Variants in RNF144B observed in about 807,000 individuals in gnomAD.
The protein encoded by RNF144B is E3 ubiquitin-protein ligase RNF144B.
A neutral mutation model predicts 40.2 loss-of-function variants in RNF144B; 25 were observed. The ratio of observed to expected loss-of-function variants is 0.62; its 90% CI spans 0.45 to 0.87. The LOEUF (loss-of-function observed/expected upper bound fraction) is 0.87. Among genes scored for constraint, RNF144B ranks in the 40% least tolerant of loss-of-function variants. The pLI is 0.00. For synonymous variants in RNF144B, 145 were observed against 136.3 expected (o/e 1.06, Z -0.44); for missense variants, 365 against 373.7 (o/e 0.98, Z 0.19).
Position 18,398,751 on chromosome 6 carries a change from T to C in RNF144B, c.-36-748T>C, listed in dbSNP as rs1042253468. 6.6e-6 allele frequency among the ~76,000 whole-genome samples: 1 copy of C among 152,198 alleles called. No homozygotes were observed. Among genetic ancestry groups the C allele is most frequent in the South Asian group, 2.1e-4 (1 of 4,828 alleles). On this transcript the variant is annotated intron_variant, in intron 1 of 7. Coordinates refer to ENST00000259939, the MANE Select transcript of RNF144B (RefSeq NM_182757.4). The surrounding 1 kb of genome is among the most constrained non-coding windows in gnomAD (Gnocchi z 5.0). ...TCCACTGTTTGGCTATTGTGAATAA[T>C]GTTGCTATGAATATGGGTGTACAAA...
rs945051878 is a variant in RNF144B at position 18,406,388 on chromosome 6, T to C, written c.165+6689T>C. On this transcript the variant is annotated intron_variant, in intron 2 of 7. Transcript: ENST00000259939. This position sits in a 1 kb window ranked among gnomAD's most constrained non-coding sequence, Gnocchi z 4.2. ...GGGTTGTAGGCAGAGGGAAGCAGTATGGAGGTCTTAAGTTGGGAGTGTGCT... is the reference window on the plus strand; with the variant it reads ...GGGTTGTAGGCAGAGGGAAGCAGTACGGAGGTCTTAAGTTGGGAGTGTGCT... Among the ~76,000 whole-genome samples the C allele has an allele frequency of 2.0e-5, 3 of 151,740 alleles. No homozygotes were observed. The highest frequency in any genetic ancestry group is 7.3e-5 in the African/African-American group (3 of 41,280).
rs933530451 is a variant in RNF144B at position 18,434,321 on chromosome 6, C to T, written c.271-5363C>T. Among the ~76,000 whole-genome samples the T allele has an allele frequency of 2.0e-5, 3 of 152,144 alleles. No homozygotes were observed. The highest frequency in any genetic ancestry group is 4.4e-5 in the Non-Finnish European group (3 of 68,020). ...TTGGCATAAATACTTTTGTGGTGAGCAGGCTTCACTTTCTGCCTCCCTTTT... is the reference window on the plus strand; with the variant it reads ...TTGGCATAAATACTTTTGTGGTGAGTAGGCTTCACTTTCTGCCTCCCTTTT... On this transcript the variant is annotated intron_variant, in intron 3 of 7. Coordinates refer to ENST00000259939, the MANE Select transcript of RNF144B (RefSeq NM_182757.4). The surrounding 1 kb of genome is among the most constrained non-coding windows in gnomAD (Gnocchi z 4.1).
intron 2 of RNF144B, among the ~76,000 whole-genome samples, chr6:18,426,171 G>A (rs951884948): frequency 6.6e-6 from 1 of 152,138 alleles, no homozygotes; most frequent in African/African-American, 2.4e-5. Context: ...AAAAGTTGGT[G>A]CAACAGCAAT....
At chr6:18,407,380 A>C (rs145175575) in intron 2 of RNF144B, among the ~76,000 whole-genome samples, 25 of 152,288 alleles carry the variant, frequency 1.6e-4, no homozygotes, top group African/African-American at 5.8e-4. Flanking sequence ...ATTTTCTTTC[A>C]TGTAATATAG....
chr6:18,411,095 C>T (rs1016312723), intron 2 of RNF144B, among the ~76,000 whole-genome samples: 13 of 151,864 alleles, frequency 8.6e-5, no homozygotes, highest in Non-Finnish European at 1.9e-4. Context: ...AGCAGTTCTC[C>T]TACCTCAGCC....
At chr6:18,396,284 TA>T in intron 1 of RNF144B, 2 of 614,024 alleles carry the variant, frequency 3.3e-6, no homozygotes, top group Non-Finnish European at 4.1e-6. Context: ...TTATGGATAA[TA>T]ATTGAGGTAT....
intron 3 of RNF144B, among the ~76,000 whole-genome samples, chr6:18,432,778 A>T (rs981087722): frequency 1.3e-5 from 2 of 152,206 alleles, no homozygotes; most frequent in African/African-American, 2.4e-5. Flanking sequence ...GCTAGGTGTC[A>T]GTGGAGGGCA....
intron 3 of RNF144B, among the ~76,000 whole-genome samples, chr6:18,428,549 A>G (rs11755089): frequency 0.31 from 47,044 of 151,940 alleles, 8,476 homozygotes; most frequent in East Asian, 0.51. Flanking sequence ...TTGCCTTTAA[A>G]TCTTCAGACT....
Position 18,395,661 on chromosome 6 carries a change from C to G in RNF144B, c.-36-3838C>G, listed in dbSNP as rs1183035568. On this transcript the variant is annotated intron_variant, in intron 1 of 7. Coordinates refer to ENST00000259939, the MANE Select transcript of RNF144B (RefSeq NM_182757.4). The surrounding 1 kb of genome is among the most constrained non-coding windows in gnomAD (Gnocchi z 4.5). ...TGTTGGTTTTGCCCAAAGTGAGAAACGAAAGGGTTGGTTTTTAGTCTGTGC... is the reference window on the plus strand; with the variant it reads ...TGTTGGTTTTGCCCAAAGTGAGAAAGGAAAGGGTTGGTTTTTAGTCTGTGC... 6.6e-6 allele frequency among the ~76,000 whole-genome samples: 1 copy of G among 151,074 alleles called. No individual in the cohort carries two copies. Among genetic ancestry groups the G allele is most frequent in the African/African-American group, 2.4e-5 (1 of 40,996 alleles).
intron 3 of RNF144B, among the ~76,000 whole-genome samples, chr6:18,432,611 G>A (rs1457732230): frequency 6.6e-6 from 1 of 152,222 alleles, no homozygotes; most frequent in Non-Finnish European, 1.5e-5. Flanking sequence ...TCTAATTTAA[G>A]CAGTTCCCAT....
rs1041776758 is a variant in RNF144B, at chr6:18,444,389, C to T, written c.331+4645C>T. Among the ~76,000 whole-genome samples the T allele has an allele frequency of 5.9e-5, 9 of 152,236 alleles. No homozygotes were observed. The highest frequency in any genetic ancestry group is 1.7e-4 in the African/African-American group (7 of 41,536). ...ATCACTGCTTTACTTTCCAGTGGTT[C>T]TCAAAGTACATGCCCGATGATTAAT... On this transcript the variant is annotated intron_variant, in intron 4 of 7. Coordinates refer to ENST00000259939, the MANE Select transcript of RNF144B (RefSeq NM_182757.4). This position sits in a 1 kb window ranked among gnomAD's most constrained non-coding sequence, Gnocchi z 4.3.
At position 18,441,382 on chromosome 6, in the gene RNF144B, A is replaced by T. The variant is rs534557727; in HGVS notation, c.331+1638A>T. Among the ~76,000 whole-genome samples, 8 of 152,238 alleles carry T rather than the reference A, an allele frequency of 5.3e-5. No individual in the cohort carries two copies. The highest frequency in any genetic ancestry group is 1.0e-4 in the Non-Finnish European group (7 of 68,012). On this transcript the variant is annotated intron_variant, in intron 4 of 7. Coordinates refer to ENST00000259939, the MANE Select transcript of RNF144B (RefSeq NM_182757.4). This position sits in a 1 kb window ranked among gnomAD's most constrained non-coding sequence, Gnocchi z 4.9. ...TGCTGCTTAAATGGTGAGATATGAC[A>T]TATCAACCACGTCAGTCCTACTCAG...
chr6:18,391,070 A>G (rs1378799634), intron 1 of RNF144B, among the ~76,000 whole-genome samples: 1 of 152,226 alleles, frequency 6.6e-6, no homozygotes, highest in Non-Finnish European at 1.5e-5. Context: ...ATATTGGCAC[A>G]TGCTTTTATT....
Position 18,446,571 on chromosome 6 carries a change from A to G in RNF144B, c.331+6827A>G, listed in dbSNP as rs1759086873. Among the ~76,000 whole-genome samples the G allele has an allele frequency of 2.0e-5, 3 of 152,168 alleles. No homozygotes were observed. The highest frequency in any genetic ancestry group is 2.0e-4 in the Admixed American group (3 of 15,266). On this transcript the variant is annotated intron_variant, in intron 4 of 7. Coordinates refer to ENST00000259939, the MANE Select transcript of RNF144B (RefSeq NM_182757.4). This position sits in a 1 kb window ranked among gnomAD's most constrained non-coding sequence, Gnocchi z 4.7. ...ATATGCTACCATTATCTTTTTTACT[A>G]TGGGAAATTGATGTACTGATGCTAT...
Position 18,465,450 on chromosome 6 carries a change from G to A in RNF144B, c.*383G>A, listed in dbSNP as rs374799883. On this transcript the variant is annotated 3_prime_UTR_variant, in exon 8 of 8. Transcript: ENST00000259939. Reference sequence around the variant, plus strand: ...TGGCAACATACAAGATAACCAAGAAGCTGGAGTCTGTTCTGTGTTGATTTG... The same window carrying A: ...TGGCAACATACAAGATAACCAAGAAACTGGAGTCTGTTCTGTGTTGATTTG... 4.6e-4 allele frequency: 84 copies of A among 183,116 alleles called. No homozygotes were observed. The East Asian group carries it at 5.3e-3, about 12-fold the overall frequency. 11.3% of individuals were successfully genotyped at this position (183,116 alleles called of 1,614,324 possible). A position where few individuals can be genotyped will look rare whatever the true frequency, so the allele number is the denominator to read the frequency against.
Position 18,425,310 on chromosome 6 carries a change from G to T in RNF144B, c.166-2271G>T, listed in dbSNP as rs1758526567. 6.6e-6 allele frequency among the ~76,000 whole-genome samples: 1 copy of T among 152,130 alleles called. No individual in the cohort carries two copies. Among genetic ancestry groups the T allele is most frequent in the African/African-American group, 2.4e-5 (1 of 41,422 alleles). On this transcript the variant is annotated intron_variant, in intron 2 of 7. Coordinates refer to ENST00000259939, the MANE Select transcript of RNF144B (RefSeq NM_182757.4). The surrounding 1 kb of genome is among the most constrained non-coding windows in gnomAD (Gnocchi z 4.2). ...CTTTTTACTTAAATTTCTTTAAGTG[G>T]CTGCTGGGGGTCAGTGGGAAGATCA... is the stretch of plus-strand genomic sequence containing the variant.
Position 18,457,467 on chromosome 6 carries a change from A to T in RNF144B, c.536+108A>T. On this transcript the variant is annotated intron_variant, in intron 5 of 7. Transcript: ENST00000259939. The surrounding 1 kb of genome is among the most constrained non-coding windows in gnomAD (Gnocchi z 5.1). ...TTGTGATGGCGTTTAGAGATTGGTT[A>T]TTTTCCTGCAGAACTTCCCTGAGAA... is the stretch of plus-strand genomic sequence containing the variant. 4.7e-6 allele frequency: 4 copies of T among 848,814 alleles called. No homozygotes were observed. The highest frequency in any genetic ancestry group is 7.9e-6 in the Non-Finnish European group (4 of 508,122). The allele number at this position is 848,814 out of a possible 1,614,324, so 52.6% of individuals were successfully genotyped here. A position where few individuals can be genotyped will look rare whatever the true frequency, so the allele number is the denominator to read the frequency against.
chr6:18,466,548 C>T lies in RNF144B; in HGVS notation c.*1481C>T, dbSNP rs1283269398. 6.6e-6 allele frequency: 1 copy of T among 152,594 alleles called. No individual in the cohort carries two copies. Among genetic ancestry groups the T allele is most frequent in the Non-Finnish European group, 1.5e-5 (1 of 68,030 alleles). 9.5% of individuals were successfully genotyped at this position (152,594 alleles called of 1,614,324 possible). A position where few individuals can be genotyped will look rare whatever the true frequency, so the allele number is the denominator to read the frequency against. On this transcript the variant is annotated 3_prime_UTR_variant, in exon 8 of 8. Coordinates refer to ENST00000259939, the MANE Select transcript of RNF144B (RefSeq NM_182757.4). ...GTTTTGAAAGGATAAAACCTTTTCT[C>T]CAATGACAGGATTATATAATTGCTA...
At chr6:18,461,722 G>A (rs1369290698) in intron 6 of RNF144B, among the ~76,000 whole-genome samples, 1 of 152,162 alleles carries the variant, frequency 6.6e-6, no homozygotes, top group African/African-American at 2.4e-5. Flanking sequence ...TTTAGCCAGG[G>A]GCATTGGATT....
Sources: allele counts gnomAD v4.1 joint callset (sites outside exome capture counted in the v4.1 genomes callset), GRCh38; gene constraint gnomAD v4.1.1; non-coding constraint Gnocchi (gnomAD v3.1); transcripts MANE v1.5; gene names NCBI Gene and HGNC (gene_info 2026-07-23, HGNC 2026-07-21).